EVI5: variants seen among roughly 807,000 people sequenced by gnomAD.
EVI5 encodes ecotropic viral integration site 5, also known as ecotropic viral integration site 5 protein homolog.
EVI5 carries 73 observed loss-of-function variants against 112.0 expected under a neutral mutation model. The observed-to-expected ratio is 0.65, with a 90% CI of 0.54 to 0.79. The LOEUF is 0.79. Among genes scored for constraint, EVI5 ranks in the 30% least tolerant of loss-of-function variants. The probability of loss-of-function intolerance (pLI) is 0.00; values close to 1 mark genes in which losing one functional copy is unlikely to be tolerated. For synonymous variants in EVI5, 305 were observed against 319.9 expected, an observed-to-expected ratio of 0.95 and a Z score of 0.50; for missense variants, 900 against 968.8, an observed-to-expected ratio of 0.93 and a Z score of 0.94.
At chr1:92,551,779 T>G (rs1464170178) in intron 19 of EVI5, among the ~76,000 whole-genome samples, 1 of 152,200 alleles carries the variant, frequency 6.6e-6, no homozygotes, top group Non-Finnish European at 1.5e-5. Context: ...TGCTTAAGAA[T>G]TGCTGTAAAA....
At chr1:92,630,940 G>A (rs1200690339) in intron 14 of EVI5, among the ~76,000 whole-genome samples, 1 of 152,126 alleles carries the variant, frequency 6.6e-6, no homozygotes, top group Non-Finnish European at 1.5e-5. Flanking sequence ...TTTCCCCATT[G>A]CTTGTTTTTC....
intron 18 of EVI5, among the ~76,000 whole-genome samples, chr1:92,566,085 A>G (rs994902195): frequency 2.6e-5 from 4 of 151,376 alleles, no homozygotes; most frequent in African/African-American, 4.9e-5. Context: ...AACTACCCTT[A>G]GTTTGTTCTT....
intron 10 of EVI5, 117 bp from the exon 11 acceptor site, chr1:92,666,109 G>C (rs983803623): frequency 3.1e-5 from 19 of 622,230 alleles, no homozygotes; most frequent in Non-Finnish European, 5.3e-5. Flanking sequence ...TCTAAGGAAT[G>C]ATTACATTAT....
intron 19 of EVI5, among the ~76,000 whole-genome samples, chr1:92,531,457 AAG>A (rs1662852157): frequency 6.6e-6 from 1 of 152,126 alleles, no homozygotes; most frequent in Non-Finnish European, 1.5e-5. Flanking sequence ...GATACTCCTC[AAG>A]AAGATCAACC....
At chr1:92,661,184 T>C (rs561838953) in intron 13 of EVI5, among the ~76,000 whole-genome samples, 3 of 152,208 alleles carry the variant, frequency 2.0e-5, no homozygotes, top group Admixed American at 2.0e-4. Context: ...TATTGGTAAT[T>C]CAATACCTCC....
intron 16 of EVI5, among the ~76,000 whole-genome samples, chr1:92,608,742 CTATT>C (rs1219641920): frequency 6.6e-6 from 1 of 151,196 alleles, no homozygotes; most frequent in Non-Finnish European, 1.5e-5. Flanking sequence ...GGTACCATCA[CTATT>C]TATTGGGCTG....
At chr1:92,792,023 A>C (rs1197489507) in intron 1 of EVI5, among the ~76,000 whole-genome samples, 2 of 152,248 alleles carry the variant, frequency 1.3e-5, no homozygotes, top group Non-Finnish European at 2.9e-5. Context: ...ATATTCAAAG[A>C]AACGTAAACA....
chr1:92,665,805 G>C lies in EVI5; in HGVS notation c.1212+134C>G, dbSNP rs192926378. On this transcript the variant is annotated intron_variant, in intron 11 of 19. Coordinates refer to ENST00000684568, the MANE Select transcript of EVI5 (RefSeq NM_001350197.2). ...AACAAGTTATCTGGCTAAATAAATA[G>C]TAAGGTAAGCAAGCTAAGCAGTCAA... 185 of 540,146 alleles carry C rather than the reference G, an allele frequency of 3.4e-4. 1 individual carries two copies. The highest frequency in any genetic ancestry group is 3.2e-3 in the African/African-American group (164 of 51,282). 33.5% of individuals were successfully genotyped at this position (540,146 alleles called of 1,614,324 possible).
chr1:92,521,125 C>T (rs1571287811), intron 19 of EVI5, among the ~76,000 whole-genome samples: 1 of 151,746 alleles, frequency 6.6e-6, no homozygotes, highest in Non-Finnish European at 1.5e-5. Flanking sequence ...CCACACCTGG[C>T]TAATTTGTGT....
chr1:92,759,979 T>G (rs1252712236), intron 1 of EVI5, among the ~76,000 whole-genome samples: 1 of 151,712 alleles, frequency 6.6e-6, no homozygotes, highest in African/African-American at 2.4e-5. Context: ...AGTACCAAAG[T>G]GAGTTTTAAT....
At chr1:92,607,320 A>G (rs1015071591) in intron 17 of EVI5, 3 of 310,014 alleles carry the variant, frequency 9.7e-6, no homozygotes, top group African/African-American at 6.5e-5. Flanking sequence ...GAAAAACTGT[A>G]AAGAAATACT....
At chr1:92,602,790 A>T (rs1054720848) in intron 18 of EVI5, among the ~76,000 whole-genome samples, 2 of 152,184 alleles carry the variant, frequency 1.3e-5, no homozygotes, top group African/African-American at 4.8e-5. Context: ...TTCACTAAAA[A>T]ATGGACTTGG....
chr1:92,572,791 T>C (rs1044651745), intron 18 of EVI5, among the ~76,000 whole-genome samples: 1 of 152,086 alleles, frequency 6.6e-6, no homozygotes, highest in Non-Finnish European at 1.5e-5. Context: ...CTGGTAATTA[T>C]AGAGTACAGC....
intron 16 of EVI5, among the ~76,000 whole-genome samples, chr1:92,620,331 A>G: frequency 6.7e-6 from 1 of 148,892 alleles, no homozygotes. Context: ...GGGCAACAAG[A>G]GTGAAACTCC....
At chr1:92,791,892 A>G (rs1230461862) in intron 1 of EVI5, among the ~76,000 whole-genome samples, 1 of 152,234 alleles carries the variant, frequency 6.6e-6, no homozygotes, top group Non-Finnish European at 1.5e-5. Context: ...CCATGCAACC[A>G]TCAACACTGT....
At chr1:92,541,803 T>C (rs1664854283) in intron 19 of EVI5, among the ~76,000 whole-genome samples, 1 of 152,280 alleles carries the variant, frequency 6.6e-6, no homozygotes, top group Non-Finnish European at 1.5e-5. Flanking sequence ...AAAAGTTATC[T>C]TTACATTATA....
chr1:92,566,130 C>T (rs1406169384), intron 18 of EVI5, among the ~76,000 whole-genome samples: 1 of 151,938 alleles, frequency 6.6e-6, no homozygotes, highest in Admixed American at 6.6e-5. Context: ...TAAAAACTCC[C>T]TGTTTTTTGT....
At chr1:92,731,501 T>C (rs569792263) in intron 2 of EVI5, among the ~76,000 whole-genome samples, 3 of 152,318 alleles carry the variant, frequency 2.0e-5, no homozygotes, top group South Asian at 2.1e-4. Context: ...GTTAGAGATT[T>C]AATGCAATCC....
chr1:92,771,661 C>CA (rs1363695093), intron 1 of EVI5, among the ~76,000 whole-genome samples: 1 of 150,836 alleles, frequency 6.6e-6, no homozygotes, highest in African/African-American at 2.4e-5. Context: ...GGCTGGAGTG[C>CA]AGTGGCACGA....
Sources: allele counts gnomAD v4.1 joint callset (sites outside exome capture counted in the v4.1 genomes callset), GRCh38; gene constraint gnomAD v4.1.1; transcripts MANE v1.5; gene names NCBI Gene and HGNC (gene_info 2026-07-23, HGNC 2026-07-21).